Variants in ANXA4 observed in about 807,000 individuals in gnomAD.
ANXA4 encodes the protein annexin A4.
ANXA4 carries 39 observed loss-of-function variants against 49.8 expected under a neutral mutation model. The ratio of observed to expected loss-of-function variants is 0.78; its 90% confidence interval spans 0.61 to 1.02. ANXA4 has a LOEUF of 1.02. Among genes scored for constraint, ANXA4 ranks in the 50% least tolerant of loss-of-function variants. The probability of loss-of-function intolerance (pLI) is 0.00; values close to 1 mark genes in which losing one functional copy is unlikely to be tolerated. For missense variants in ANXA4, 360 were observed against 410.1 expected, an observed-to-expected ratio of 0.88 and a Z score of 1.05; for synonymous variants, 134 against 152.5, an observed-to-expected ratio of 0.88 and a Z score of 0.89.
At chr2:69,678,327 A>G (rs1461450703) in intron 2 of ANXA4, among the ~76,000 whole-genome samples, 2 of 141,412 alleles carry the variant, frequency 1.4e-5, no homozygotes, top group African/African-American at 2.6e-5. Context: ...CTTTTGGTTT[A>G]TGTTGCTAAA....
chr2:69,806,295 G>A, intron 4 of ANXA4, 90 bp from the exon 5 acceptor site: 1 of 872,844 alleles, frequency 1.1e-6, no homozygotes, highest in Non-Finnish European at 1.9e-6. Context: ...AAAGGGTCTT[G>A]GAGACCCCAG....
At chr2:69,697,601 TGCTTACTAA>T (rs1239737856) in intron 2 of ANXA4, among the ~76,000 whole-genome samples, 3 of 152,238 alleles carry the variant, frequency 2.0e-5, no homozygotes, top group Non-Finnish European at 2.9e-5. Context: ...TGACACACCT[TGCTTACTAA>T]GCTTAATCAT....
At chr2:69,696,513 G>A (rs975920313) in intron 2 of ANXA4, among the ~76,000 whole-genome samples, 2 of 152,188 alleles carry the variant, frequency 1.3e-5, no homozygotes, top group African/African-American at 4.8e-5. Context: ...GATGTTGATA[G>A]TTTGCCCTTC....
Position 69,806,381 on chromosome 2 carries a change from G to T in ANXA4, c.193-4G>T, listed in dbSNP as rs199898267. 2.0e-3 allele frequency: 3,151 copies of T among 1,610,406 alleles called. 6 individuals are homozygous for T. The highest frequency in any genetic ancestry group is 2.5e-3 in the Middle Eastern group (15 of 6,060). On this transcript the variant is annotated splice_polypyrimidine_tract_variant and splice_region_variant and intron_variant, in intron 4 of 12. Transcript: ENST00000394295. ...TTAAGCGGAGCTACTTTCTTGCATT[G>T]CAGGACTTGATAGACGACCTGAAGT...
At chr2:69,792,130 G>T (rs1226640581) in intron 3 of ANXA4, among the ~76,000 whole-genome samples, 2 of 152,182 alleles carry the variant, frequency 1.3e-5, no homozygotes, top group African/African-American at 4.8e-5. Flanking sequence ...AGGAAAGACA[G>T]ACTTGAGACT....
intron 2 of ANXA4, among the ~76,000 whole-genome samples, chr2:69,659,411 AGGCATTGTATGCTTCTC>A (rs1221058668): frequency 6.6e-6 from 1 of 152,216 alleles, no homozygotes; most frequent in Non-Finnish European, 1.5e-5. Context: ...GTATGATTAA[AGGCATTGTATGCTTCTC>A]TTATTTATTT....
At chr2:69,814,743 G>GGTATGTGT (rs1168131518) in intron 8 of ANXA4, 29 of 123,700 alleles carry the variant, frequency 2.3e-4, no homozygotes, top group African/African-American at 1.0e-3. Context: ...GACACAGAGG[G>GGTATGTGT]GTGTGTGTGT....
chr2:69,710,524 T>A (rs1678643518), intron 2 of ANXA4, among the ~76,000 whole-genome samples: 1 of 152,182 alleles, frequency 6.6e-6, no homozygotes, highest in African/African-American at 2.4e-5. Flanking sequence ...ACTCTGTCTG[T>A]ATTTCAGATT....
chr2:69,738,397 C>T (rs1670298186), upstream of ANXA4, among the ~76,000 whole-genome samples: 1 of 152,176 alleles, frequency 6.6e-6, no homozygotes, highest in South Asian at 2.1e-4. Flanking sequence ...GAATACCAAG[C>T]AGCTCAGTAG....
At chr2:69,701,310 T>TTCCGCATC (rs1473764000) in intron 2 of ANXA4, among the ~76,000 whole-genome samples, 2 of 152,130 alleles carry the variant, frequency 1.3e-5, no homozygotes, top group Admixed American at 6.5e-5. Context: ...CAGAACTCTT[T>TTCCGCATC]TCCTCATCTC....
At chr2:69,644,823 T>TA (rs761393126) in exon 1 of ANXA4, 3 of 152,274 alleles carry the variant, frequency 2.0e-5, no homozygotes, top group South Asian at 2.1e-4. Flanking sequence ...CATTGATACT[T>TA]ACGTTTCCCT....
At chr2:69,789,181 A>G (rs1558499113) in intron 3 of ANXA4, among the ~76,000 whole-genome samples, 1 of 152,128 alleles carries the variant, frequency 6.6e-6, no homozygotes, top group Non-Finnish European at 1.5e-5. Flanking sequence ...ATATGCAACA[A>G]CCTGTGATTT....
At chr2:69,668,575 A>G (rs1194121490) in intron 2 of ANXA4, among the ~76,000 whole-genome samples, 6 of 152,144 alleles carry the variant, frequency 3.9e-5, no homozygotes, top group Non-Finnish European at 8.8e-5. Flanking sequence ...TATCTTTCTC[A>G]TTATATATGT....
At chr2:69,738,076 A>C (rs1228059411), upstream of ANXA4, among the ~76,000 whole-genome samples, 4 of 152,220 alleles carry the variant, frequency 2.6e-5, no homozygotes, top group Non-Finnish European at 1.5e-5. Context: ...CTTATAGTAC[A>C]TAAGTATTTT....
intron 2 of ANXA4, among the ~76,000 whole-genome samples, chr2:69,705,230 G>A (rs1287280070): frequency 6.6e-6 from 1 of 152,064 alleles, no homozygotes; most frequent in African/African-American, 2.4e-5. Flanking sequence ...TGAGAAGTCT[G>A]GGCTTCAGTG....
At chr2:69,751,921 AAC>A (rs1292088051) in intron 1 of ANXA4, among the ~76,000 whole-genome samples, 2 of 152,234 alleles carry the variant, frequency 1.3e-5, no homozygotes, top group Non-Finnish European at 2.9e-5. Context: ...TCAAGAATGA[AAC>A]ACACTGACTC....
At chr2:69,809,218 T>C (rs1188416281) in intron 6 of ANXA4, 1 of 152,184 alleles carries the variant, frequency 6.6e-6, no homozygotes, top group African/African-American at 2.4e-5. Flanking sequence ...TTTTTACTTA[T>C]TTGTTTTTTC....
chr2:69,777,958 C>A (rs1672027256), intron 1 of ANXA4, among the ~76,000 whole-genome samples: 1 of 152,244 alleles, frequency 6.6e-6, no homozygotes, highest in Admixed American at 6.5e-5. Flanking sequence ...CTACTCATTT[C>A]TGCTGTTGTA....
At chr2:69,784,820 G>C (rs12993911) in intron 2 of ANXA4, among the ~76,000 whole-genome samples, 29,276 of 152,072 alleles carry the variant, frequency 0.19, 3,245 homozygotes, top group East Asian at 0.34. Flanking sequence ...GCTTGCTGCT[G>C]CATAACTTCC....
Sources: gnomAD v4.1 joint callset for allele counts (sites outside exome capture counted in the v4.1 genomes callset) on GRCh38, gnomAD v4.1.1 for gene constraint, MANE v1.5 for transcripts, NCBI Gene and HGNC (gene_info 2026-07-23, HGNC 2026-07-21) for gene names.